NWD2: variants seen among roughly 807,000 people sequenced by gnomAD.
The protein encoded by NWD2 is NACHT and WD repeat domain-containing protein 2.
Under a neutral mutation model 132.7 loss-of-function variants are expected in NWD2, and 37 were observed. That is an observed-to-expected ratio of 0.28 (90% confidence interval 0.21 to 0.37). The LOEUF is 0.37. Among genes scored for constraint, NWD2 ranks in the 10% least tolerant of loss-of-function variants. The pLI is 1.00. For synonymous variants in NWD2, 705 were observed against 803.0 expected, an observed-to-expected ratio of 0.88 and a Z score of 2.06; for missense variants, 1,592 against 2,122.4, an observed-to-expected ratio of 0.75 and a Z score of 4.91.
At chr4:37,268,028 G>T (rs149653189) in intron 1 of NWD2, among the ~76,000 whole-genome samples, 16 of 151,820 alleles carry the variant, frequency 1.1e-4, no homozygotes, top group Non-Finnish European at 1.8e-4. Flanking sequence ...GGAATCCTCT[G>T]TACAAAGAAA....
intron 2 of NWD2, among the ~76,000 whole-genome samples, chr4:37,351,275 C>G (rs1313799987): frequency 6.6e-6 from 1 of 151,986 alleles, no homozygotes; most frequent in East Asian, 1.9e-4. Context: ...TCTTTGTACC[C>G]TCAGTAGAAT....
At chr4:37,440,619 G>A (rs1039230961) in intron 6 of NWD2, among the ~76,000 whole-genome samples, 18 of 152,216 alleles carry the variant, frequency 1.2e-4, no homozygotes, top group East Asian at 1.2e-3. Context: ...GAAACAACCC[G>A]CAGCACCCTG....
chr4:37,279,240 C>G (rs190629554), intron 1 of NWD2, among the ~76,000 whole-genome samples: 4 of 152,184 alleles, frequency 2.6e-5, no homozygotes, highest in Admixed American at 1.3e-4. Context: ...CCAAAATAAA[C>G]AGATAATGAA....
intron 3 of NWD2, among the ~76,000 whole-genome samples, chr4:37,417,764 T>C (rs1038379565): frequency 1.3e-5 from 2 of 152,172 alleles, no homozygotes. Flanking sequence ...GATTCAGGTT[T>C]CTCACAACTG....
chr4:37,365,542 G>A (rs1208582938), intron 3 of NWD2, among the ~76,000 whole-genome samples: 3 of 152,130 alleles, frequency 2.0e-5, no homozygotes, highest in African/African-American at 4.8e-5. Context: ...ATAGTCCAGA[G>A]AAACAAATAT....
Position 37,447,385 on chromosome 4 carries a change from G to T in NWD2, c.*168G>T. The stretch of plus-strand genomic sequence containing the variant: ...GACAAATAGGTTAGTCTTGGGTGTG[G>T]TCTTTTTGTCAAAGTGTATCCAGAA... On this transcript the variant is annotated 3_prime_UTR_variant, in exon 7 of 7. Coordinates refer to ENST00000309447, the MANE Select transcript of NWD2 (RefSeq NM_001144990.2). The T allele has an allele frequency of 1.7e-6, 1 of 601,338 alleles. No individual in the cohort carries two copies. The highest frequency in any genetic ancestry group is 2.3e-5 in the South Asian group (1 of 44,386). 37.3% of individuals were successfully genotyped at this position (601,338 alleles called of 1,614,324 possible).
chr4:37,276,280 G>A (rs1012713422), intron 1 of NWD2, among the ~76,000 whole-genome samples: 1 of 151,962 alleles, frequency 6.6e-6, no homozygotes, highest in Non-Finnish European at 1.5e-5. Context: ...CCATCAAAAA[G>A]TGGGCAAAGG....
At chr4:37,337,237 G>A (rs77390268) in intron 2 of NWD2, among the ~76,000 whole-genome samples, 2,249 of 152,200 alleles carry the variant, frequency 0.015, 62 homozygotes, top group African/African-American at 0.051. Context: ...CTTTTATTTC[G>A]GAATCTTAAA....
intron 3 of NWD2, among the ~76,000 whole-genome samples, chr4:37,392,003 C>A (rs568639402): frequency 6.6e-6 from 1 of 152,070 alleles, no homozygotes; most frequent in Non-Finnish European, 1.5e-5. Context: ...GAGTTTGAGA[C>A]CAGCCTGGCC....
chr4:37,362,500 C>T (rs1437835295), intron 3 of NWD2, among the ~76,000 whole-genome samples: 1 of 152,108 alleles, frequency 6.6e-6, no homozygotes, highest in Non-Finnish European at 1.5e-5. Context: ...AAATGGAGAA[C>T]CCAGAAATAA....
At chr4:37,338,492 G>T (rs79057430) in intron 2 of NWD2, among the ~76,000 whole-genome samples, 11,466 of 152,274 alleles carry the variant, frequency 0.075, 587 homozygotes, top group Non-Finnish European at 0.098. Context: ...ACAACAGTTT[G>T]AACTCTGGTT....
rs141310067 is a variant in NWD2, at chr4:37,308,302, G to A, written c.152-17634G>A. On this transcript the variant is annotated intron_variant, in intron 1 of 6. Coordinates refer to ENST00000309447, the MANE Select transcript of NWD2 (RefSeq NM_001144990.2). ...ATGTGTTAATTGAATAGAGTGCTTTGACTTTGGTTCTGGGTGGGCACAGTA... is the reference window on the plus strand; with the variant it reads ...ATGTGTTAATTGAATAGAGTGCTTTAACTTTGGTTCTGGGTGGGCACAGTA... Among the ~76,000 whole-genome samples the A allele has an allele frequency of 3.3e-5, 5 of 152,214 alleles. No individual in the cohort carries two copies. In the East Asian group the frequency reaches 7.7e-4, roughly 24 times the overall value.
rs1376154293 is a variant in NWD2, at chr4:37,446,503, C to G, written c.4515C>G (p.Ile1505Met). Residue 1505 changes from isoleucine (I) to methionine (M), a missense_variant, in exon 7 of 7, where the codon ATC becomes ATG. By Grantham distance (10) the Ile-to-Met change is conservative. Around this residue, in one of 7 missense-constraint regions of NWD2, gnomAD observed 257 missense variants for 335.0 expected, o/e 0.77. Transcript: ENST00000309447. The surrounding 1 kb of genome is among the most constrained non-coding windows in gnomAD (Gnocchi z 6.7). ...VFITSAETVN[I>M]WSLTDEVICR... Reference sequence around the variant, plus strand: ...TCACATCGGCCGAGACTGTGAACATCTGGAGTCTGACAGATGAAGTGATCT... The same window carrying G: ...TCACATCGGCCGAGACTGTGAACATGTGGAGTCTGACAGATGAAGTGATCT... 1 of 1,551,710 alleles carries G rather than the reference C, an allele frequency of 6.4e-7. No individual in the cohort carries two copies. The highest frequency in any genetic ancestry group is 2.0e-5 in the Admixed American group (1 of 51,006).
chr4:37,326,058 T>C, intron 2 of NWD2, 34 bp downstream of exon 2: 1 of 1,298,934 alleles, frequency 7.7e-7, no homozygotes, highest in Non-Finnish European at 1.1e-6. Context: ...CACAGTTATG[T>C]CCAGTTAAAT....
Position 37,244,868 on chromosome 4 carries a change from C to T in NWD2, c.-200C>T. 2 of 615,366 alleles carry T rather than the reference C, an allele frequency of 3.3e-6. No homozygotes were observed. Among genetic ancestry groups the T allele is most frequent in the Non-Finnish European group, 5.4e-6 (2 of 370,686 alleles). The allele number at this position is 615,366 out of a possible 1,614,324, so 38.1% of individuals were successfully genotyped here. ...GCAGGAGACCGCCGCGACAGGAGCC[C>T]GAGGGTCCGTATGGCTTCTCCTCGC... On this transcript the variant is annotated 5_prime_UTR_variant, in exon 1 of 7. Coordinates refer to ENST00000309447, the MANE Select transcript of NWD2 (RefSeq NM_001144990.2). This position sits in a 1 kb window ranked among gnomAD's most constrained non-coding sequence, Gnocchi z 5.5.
At chr4:37,345,704 A>G (rs974132457) in intron 2 of NWD2, among the ~76,000 whole-genome samples, 1 of 152,186 alleles carries the variant, frequency 6.6e-6, no homozygotes, top group Non-Finnish European at 1.5e-5. Context: ...AAAAAATTTT[A>G]AGTAGGTTCA....
chr4:37,346,486 G>T (rs778721112), intron 2 of NWD2, among the ~76,000 whole-genome samples: 1 of 152,032 alleles, frequency 6.6e-6, no homozygotes, highest in Non-Finnish European at 1.5e-5. Flanking sequence ...GATTGTTTTG[G>T]TCATCTTGGG....
intron 1 of NWD2, among the ~76,000 whole-genome samples, chr4:37,252,181 GAAAT>G (rs1217359150): frequency 1.3e-5 from 2 of 152,320 alleles, no homozygotes; most frequent in Non-Finnish European, 2.9e-5. Context: ...GGAATAGAAA[GAAAT>G]AGTCTTTATC....
intron 1 of NWD2, among the ~76,000 whole-genome samples, chr4:37,308,046 C>A (rs1479719136): frequency 6.6e-6 from 1 of 152,070 alleles, no homozygotes; most frequent in East Asian, 1.9e-4. Context: ...TCTCTTATAT[C>A]TTTCTGAGTT....
Sources: gnomAD v4.1 joint callset for allele counts (sites outside exome capture counted in the v4.1 genomes callset) on GRCh38, gnomAD v4.1.1 for gene constraint, gnomAD v4.1.1 regional missense constraint, Gnocchi (gnomAD v3.1) non-coding constraint, MANE v1.5 for transcripts, NCBI Gene and HGNC (gene_info 2026-07-23, HGNC 2026-07-21) for gene names.